Variants in TONSL observed in about 807,000 individuals in gnomAD.
TONSL encodes tonsoku like, DNA repair protein.
TONSL carries 112 observed loss-of-function variants against 147.1 expected under a neutral mutation model. That is an observed-to-expected ratio of 0.76 (90% confidence interval 0.65 to 0.89). The LOEUF is 0.89. TONSL is among the 40% of genes least tolerant of loss of function. The pLI is 0.00. For synonymous variants in TONSL, 868 were observed against 801.5 expected (o/e 1.08, Z -1.40); for missense variants, 1,883 against 1,864.6 (o/e 1.01, Z -0.18).
At chr8:144,441,271 G>A (rs1247488279) in intron 7 of TONSL, 160 bp from the exon 8 acceptor site, 4 of 1,044,192 alleles carry the variant, frequency 3.8e-6, no homozygotes, top group East Asian at 2.6e-5. Flanking sequence ...TTGGGGACTG[G>A]TCTCAAGGGT....
Position 144,429,251 on chromosome 8 carries a change from G to A in TONSL, c.4029C>T (p.Arg1343=). 2 of 1,530,106 alleles carry A rather than the reference G, an allele frequency of 1.3e-6. No individual in the cohort carries two copies. The highest frequency in any genetic ancestry group is 1.2e-5 in the South Asian group (1 of 83,516). The allele number at this position is 1,530,106 out of a possible 1,614,324, so 94.8% of individuals were successfully genotyped here. ...GGGCGTCCCTGTCCTCAGCGCAGAGGCGTCTGCTGCACAGCTGCAGTTCCC... is the reference window on the plus strand; with the variant it reads ...GGGCGTCCCTGTCCTCAGCGCAGAGACGTCTGCTGCACAGCTGCAGTTCCC... ...QLRELQLCSR[R]LCAEDRDALR... The change falls in exon 26 of 26, where the codon CGC becomes CGT. Residue 1343 remains arginine, a synonymous_variant. Coordinates refer to ENST00000409379, the MANE Select transcript of TONSL (RefSeq NM_013432.5).
chr8:144,432,149 C>T (rs1823227906), intron 23 of TONSL, 136 bp downstream of exon 23: 2 of 1,035,778 alleles, frequency 1.9e-6, no homozygotes, highest in African/African-American at 1.6e-5. Context: ...TTCTAAACCT[C>T]CAAACCTCTA....
chr8:144,443,950 A>G lies in TONSL; in HGVS notation c.196T>C (p.Cys66Arg). ...CCGATCTTGCGGTGGGCCACGGCAC[A>G]GCCCAGAGGGTCGTCAGCGCGCTCC... Reference protein sequence around the residue: ...LRERADDPLGCAVAHRKIGER... With the variant: ...LRERADDPLGRAVAHRKIGER... The change falls in exon 3 of 26, where the codon TGT (cysteine) becomes CGT (arginine). Residue 66 changes from cysteine to arginine, a missense_variant. Coordinates refer to ENST00000409379, the MANE Select transcript of TONSL (RefSeq NM_013432.5). The G allele has an allele frequency of 6.5e-7, 1 of 1,543,522 alleles. No homozygotes were observed. The highest frequency in any genetic ancestry group is 8.7e-7 in the Non-Finnish European group (1 of 1,146,664).
intron 7 of TONSL, 133 bp downstream of exon 7, chr8:144,441,904 G>A (rs1008630054): frequency 1.5e-6 from 1 of 688,972 alleles, no homozygotes; most frequent in Non-Finnish European, 2.4e-6. Context: ...TGAAGCTGCT[G>A]CCTCCAAGGA....
At position 144,442,541 on chromosome 8, in the gene TONSL, G is replaced by A. The variant is rs189142023; in HGVS notation, c.579-129C>T. 21 of 1,482,924 alleles carry A rather than the reference G, an allele frequency of 1.4e-5. No homozygotes were observed. The African/African-American group carries it at 2.1e-4, about 15-fold the overall frequency. 91.9% of individuals were successfully genotyped at this position (1,482,924 alleles called of 1,614,324 possible). ...ATGCCTGGCCTTCTCCCAGTGTGTGGCACAGGTGTGAGAGGTGGGGGGATG... is the reference window on the plus strand; with the variant it reads ...ATGCCTGGCCTTCTCCCAGTGTGTGACACAGGTGTGAGAGGTGGGGGGATG... On this transcript the variant is annotated intron_variant, in intron 5 of 25. Coordinates refer to ENST00000409379, the MANE Select transcript of TONSL (RefSeq NM_013432.5).
Position 144,434,215 on chromosome 8 carries a change from GC to G in TONSL, c.3149del (p.Cys1050SerfsTer87), listed in dbSNP as rs1823340456. The G allele has an allele frequency of 6.4e-7, 1 of 1,565,732 alleles. No individual in the cohort carries two copies. Among genetic ancestry groups the G allele is most frequent in the Non-Finnish European group, 8.7e-7 (1 of 1,152,828 alleles). Reference protein sequence around the residue: ...LQGLGLSFSACSLALDQAQLT... With the variant: ...LQGLGLSFSAXSLALDQAQLT... ...GCTGGGCCTGGTCCAGGGCCAGGGA[GC>G]AGGCGCTGAACGAGAGGCCCAAGCC... is the stretch of plus-strand genomic sequence containing the variant. On this transcript the variant is annotated frameshift_variant, in exon 21 of 26. Transcript: ENST00000409379. LOFTEE classifies it high-confidence loss of function.
Position 144,436,194 on chromosome 8 carries a change from C to T in TONSL, c.2239G>A (p.Glu747Lys), listed in dbSNP as rs369234807. The T allele has an allele frequency of 5.7e-5, 90 of 1,571,496 alleles. No individual in the cohort carries two copies. The highest frequency in any genetic ancestry group is 2.0e-4 in the South Asian group (18 of 88,736). The change falls in exon 17 of 26, where the codon GAG (glutamate) becomes AAG (lysine). Residue 747 changes from glutamate (E) to lysine (K), a missense_variant. Coordinates refer to ENST00000409379, the MANE Select transcript of TONSL (RefSeq NM_013432.5). Reference sequence around the variant, plus strand: ...GGCCGTGCGGGGCCTGCGCTGTCCTCGCCTTCTGAGCTGCTGCTGCTGCTG... The same window carrying T: ...GGCCGTGCGGGGCCTGCGCTGTCCTTGCCTTCTGAGCTGCTGCTGCTGCTG... ...PASSSSSSEG[E>K]DSAGPARPSQ...
In TONSL at chr8:144,438,431, A is replaced by G. The variant is rs13255086; in HGVS notation, c.1653+40T>C. The G allele has an allele frequency of 0.52, 829,726 of 1,597,926 alleles. 217,353 individuals carry two copies. The highest frequency in any genetic ancestry group is 0.64 in the Middle Eastern group (3,683 of 5,756). On this transcript the variant is annotated intron_variant, in intron 13 of 25. Transcript: ENST00000409379. ...TCCGGCACAAACGCACAGCTCCTCC[A>G]TGCTAGGCAGCCTGTCCCACGTCCC...
intron 10 of TONSL, 64 bp downstream of exon 10, chr8:144,440,287 C>A: frequency 6.4e-7 from 1 of 1,559,324 alleles, no homozygotes; most frequent in Non-Finnish European, 8.7e-7. Flanking sequence ...GCACAAGGGG[C>A]AGGCAGGCTG....
chr8:144,442,575 C>A, intron 5 of TONSL, 102 bp downstream of exon 5: 1 of 1,521,632 alleles, frequency 6.6e-7, no homozygotes, highest in Middle Eastern at 1.8e-4. Context: ...TGAGGCCCAG[C>A]CAGACTGCTC....
At chr8:144,432,516 CA>C (rs1554878952) in intron 22 of TONSL, 56 bp from the exon 23 acceptor site, 1 of 1,453,020 alleles carries the variant, frequency 6.9e-7, no homozygotes, top group African/African-American at 1.5e-5. Flanking sequence ...GTACCCACCC[CA>C]AGTTCTGGGC....
At position 144,435,457 on chromosome 8, in the gene TONSL, G is replaced by A; in HGVS notation, c.2852+17C>T. 6 of 1,531,260 alleles carry A rather than the reference G, an allele frequency of 3.9e-6. No homozygotes were observed. The highest frequency in any genetic ancestry group is 5.3e-6 in the Non-Finnish European group (6 of 1,134,012). The allele number at this position is 1,531,260 out of a possible 1,614,324, so 94.9% of individuals were successfully genotyped here. On this transcript the variant is annotated intron_variant, in intron 18 of 25. Coordinates refer to ENST00000409379, the MANE Select transcript of TONSL (RefSeq NM_013432.5). ...GCTGCACAGGTGGGCTGCGGGGTAG[G>A]GCAGGCGATGCCTCACCTGTGTGGG...
At chr8:144,434,707 C>A in intron 20 of TONSL, 104 bp downstream of exon 20, 1 of 1,349,386 alleles carries the variant, frequency 7.4e-7, no homozygotes. Flanking sequence ...GGGAGGTGCA[C>A]CCCAAAACAC....
intron 4 of TONSL, 103 bp from the exon 5 acceptor site, chr8:144,442,909 C>T: frequency 6.9e-7 from 1 of 1,449,340 alleles, no homozygotes; most frequent in Non-Finnish European, 9.2e-7. Flanking sequence ...TACCCCCTCC[C>T]TCCTCCCGAG....
Position 144,440,851 on chromosome 8 carries a change from A to G in TONSL, c.1031T>C (p.Leu344Pro), listed in dbSNP as rs1431808448. Residue 344 changes from leucine to proline, a missense_variant, in exon 9 of 26, where the codon CTG becomes CCG. By Grantham distance (98) the Leu-to-Pro change is moderately conservative. Transcript: ENST00000409379. ...YQKQLRFAEL[L>P]DRPGAERAII... is the part of the protein sequence containing the mutation. ...GGCCCGCTCAGCACCCGGTCTGTCCAGCAGCTCAGCAAAACGCAGCTGGGG... is the reference window on the plus strand; with the variant it reads ...GGCCCGCTCAGCACCCGGTCTGTCCGGCAGCTCAGCAAAACGCAGCTGGGG... The G allele has an allele frequency of 1.2e-6, 2 of 1,612,824 alleles. No homozygotes were observed. Among genetic ancestry groups the G allele is most frequent in the Non-Finnish European group, 1.7e-6 (2 of 1,179,922 alleles).
At chr8:144,432,549 T>C in intron 22 of TONSL, 89 bp from the exon 23 acceptor site, 1 of 1,337,528 alleles carries the variant, frequency 7.5e-7, no homozygotes, top group Non-Finnish European at 9.9e-7. Context: ...AGGACCCCTT[T>C]GGGGAAACCA....
chr8:144,428,898 T>G lies in TONSL; in HGVS notation c.*245A>C, dbSNP rs60889486. On this transcript the variant is annotated 3_prime_UTR_variant, in exon 26 of 26. Coordinates refer to ENST00000409379, the MANE Select transcript of TONSL (RefSeq NM_013432.5). Reference sequence around the variant, plus strand: ...TCCGCCTCCCGGGTTCACGCCATTCTCCTGCCTCAGCCTCCGGAGTAGCTG... The same window carrying G: ...TCCGCCTCCCGGGTTCACGCCATTCGCCTGCCTCAGCCTCCGGAGTAGCTG... 2 of 377,570 alleles carry G rather than the reference T, an allele frequency of 5.3e-6. No individual in the cohort carries two copies. Among genetic ancestry groups the G allele is most frequent in the African/African-American group, 2.1e-5 (1 of 47,590 alleles). 23.4% of individuals were successfully genotyped at this position (377,570 alleles called of 1,614,324 possible). A position where few individuals can be genotyped will look rare whatever the true frequency, so the allele number is the denominator to read the frequency against.
chr8:144,444,086 C>A, intron 2 of TONSL, 62 bp from the exon 3 acceptor site: 1 of 1,359,798 alleles, frequency 7.4e-7, no homozygotes. Flanking sequence ...CCTGGGGCGG[C>A]GTCTGCCGGA....
intron 7 of TONSL, 89 bp from the exon 8 acceptor site, chr8:144,441,200 C>A: frequency 6.6e-7 from 1 of 1,522,936 alleles, no homozygotes; most frequent in Non-Finnish European, 8.8e-7. Context: ...TGTGGTGGCC[C>A]CCCCACTCTC....
Sources: gnomAD v4.1 joint callset for allele counts on GRCh38, gnomAD v4.1.1 for gene constraint, MANE v1.5 for transcripts, NCBI Gene and HGNC (gene_info 2026-07-23, HGNC 2026-07-21) for gene names.